The following PTGER4 variants were observed in gnomAD, a reference collection of about 807,000 sequenced individuals.
The protein encoded by PTGER4 is prostaglandin E2 receptor EP4 subtype.
PTGER4 carries 11 observed loss-of-function variants against 33.2 expected under a neutral mutation model. The ratio of observed to expected loss-of-function variants is 0.33; its 90% CI spans 0.21 to 0.55. PTGER4 has a LOEUF of 0.55. Ranked by LOEUF, PTGER4 falls within the 20% of genes least tolerant of loss-of-function variation. PTGER4 has a pLI of 0.92. For missense variants in PTGER4, 481 were observed against 650.2 expected (o/e 0.74, Z 2.83); for synonymous variants, 275 against 281.5 (o/e 0.98, Z 0.23).
the PTGER4 span, chr5:40,728,492 G>T: frequency 6.3e-7 from 1 of 1,575,382 alleles, no homozygotes; most frequent in African/African-American, 1.4e-5. Context: ...GGCAAAAAAA[G>T]ACCAAAAAAT....
chr5:40,739,514 C>T, the PTGER4 span, among the ~76,000 whole-genome samples: 9 of 152,252 alleles, frequency 5.9e-5, no homozygotes, highest in East Asian at 7.7e-4. Flanking sequence ...GTACTGTTCT[C>T]GTGATAGTGA....
downstream of PTGER4, chr5:40,693,863 GA>G (rs1422169607): frequency 2.6e-5 from 12 of 454,118 alleles, no homozygotes; most frequent in South Asian, 1.1e-3. Context: ...AATATTGCAA[GA>G]AAAGTACAAA....
At chr5:40,712,348 T>A in the PTGER4 span, among the ~76,000 whole-genome samples, 1 of 152,192 alleles carries the variant, frequency 6.6e-6, no homozygotes, top group African/African-American at 2.4e-5. Context: ...CGAAATATAA[T>A]CTGCACTAGT....
Position 40,693,631 on chromosome 5 carries a change from T to C in PTGER4, c.*1253T>C. ...TTTTGTTGCTCAGTGTTTTTGTGAA[T>C]TGCTTGGTTGTAATTAAATTCTGAG... On this transcript the variant is annotated 3_prime_UTR_variant, in exon 3 of 3. Coordinates refer to ENST00000302472, the MANE Select transcript of PTGER4 (RefSeq NM_000958.3). The C allele has an allele frequency of 1.0e-6, 1 of 985,462 alleles. No homozygotes were observed. The highest frequency in any genetic ancestry group is 1.1e-4 in the East Asian group (1 of 8,952). The allele number at this position is 985,462 out of a possible 1,614,324, so 61.0% of individuals were successfully genotyped here.
chr5:40,689,818 C>T (rs1482533499), intron 2 of PTGER4, among the ~76,000 whole-genome samples: 1 of 152,070 alleles, frequency 6.6e-6, no homozygotes, highest in Non-Finnish European at 1.5e-5. Context: ...GAGACTCAAC[C>T]TCTTCTCCCT....
At chr5:40,723,900 C>G in the PTGER4 span, among the ~76,000 whole-genome samples, 1 of 152,026 alleles carries the variant, frequency 6.6e-6, no homozygotes, top group African/African-American at 2.4e-5. Context: ...CAAGATGTGT[C>G]AGTGAGGTTA....
rs1475403342 is a variant in PTGER4, at chr5:40,681,712, G to A, written c.719G>A (p.Gly240Asp). The A allele has an allele frequency of 5.0e-6, 8 of 1,588,818 alleles. No homozygotes were observed. The highest frequency in any genetic ancestry group is 6.8e-6 in the Non-Finnish European group (8 of 1,172,034). Residue 240 changes from glycine (G) to aspartate (D), a missense_variant, in exon 2 of 3, where the codon GGC becomes GAC. Gly to Asp is a moderately conservative substitution (Grantham distance 94). This residue lies in a region of PTGER4 where 174 missense variants were observed against 210.5 expected (regional missense o/e 0.83). Transcript: ENST00000302472. This position sits in a 1 kb window ranked among gnomAD's most constrained non-coding sequence, Gnocchi z 9.8. ...GCGGCCGCCTCGGTTGCCTCCCGGGGCCACCCCGCTGCCTCCCCAGCCTTG... is the reference window on the plus strand; with the variant it reads ...GCGGCCGCCTCGGTTGCCTCCCGGGACCACCCCGCTGCCTCCCCAGCCTTG... ...AAAAASVASRGHPAASPALPR... is the reference protein window; with the variant it reads ...AAAAASVASRDHPAASPALPR...
At chr5:40,684,116 A>ACCCC (rs1438448504) in intron 2 of PTGER4, among the ~76,000 whole-genome samples, 1 of 38,318 alleles carries the variant, frequency 2.6e-5, no homozygotes, top group Non-Finnish European at 5.0e-5. Flanking sequence ...TCATTATGCC[A>ACCCC]CCCACCCACC....
At chr5:40,734,023 C>T in the PTGER4 span, among the ~76,000 whole-genome samples, 1 of 152,218 alleles carries the variant, frequency 6.6e-6, no homozygotes, top group Non-Finnish European at 1.5e-5. Context: ...CCAGCAGAGG[C>T]ATCCCTCAAT....
the PTGER4 span, among the ~76,000 whole-genome samples, chr5:40,702,295 G>A: frequency 2.6e-5 from 4 of 152,088 alleles, no homozygotes; most frequent in African/African-American, 4.8e-5. Context: ...CACACATAAT[G>A]ACACTCACAG....
At chr5:40,738,478 AC>A in the PTGER4 span, among the ~76,000 whole-genome samples, 21 of 137,682 alleles carry the variant, frequency 1.5e-4, no homozygotes, top group African/African-American at 2.2e-4. Flanking sequence ...ACAATACAAT[AC>A]AATACAATAC....
the PTGER4 span, among the ~76,000 whole-genome samples, chr5:40,726,948 A>G: frequency 2.6e-5 from 4 of 152,152 alleles, no homozygotes; most frequent in Non-Finnish European, 5.9e-5. Context: ...GTAAAAAGAG[A>G]GAAGTTGACA....
the PTGER4 span, among the ~76,000 whole-genome samples, chr5:40,745,079 G>T: frequency 8.7e-4 from 132 of 152,230 alleles, no homozygotes; most frequent in African/African-American, 3.1e-3. Context: ...AATTGGTCTG[G>T]ACTCTTCCAA....
the PTGER4 span, among the ~76,000 whole-genome samples, chr5:40,707,514 C>A: frequency 2.0e-5 from 3 of 152,132 alleles, no homozygotes; most frequent in South Asian, 6.2e-4. Context: ...AATACAGGAG[C>A]ACCCAGATTC....
the PTGER4 span, among the ~76,000 whole-genome samples, chr5:40,704,798 C>T: frequency 2.0e-5 from 3 of 152,092 alleles, no homozygotes; most frequent in African/African-American, 7.2e-5. Flanking sequence ...ATGAGAATTA[C>T]AAAACACTGC....
the PTGER4 span, among the ~76,000 whole-genome samples, chr5:40,722,777 G>A: frequency 7.3e-5 from 11 of 151,236 alleles, no homozygotes; most frequent in South Asian, 2.1e-4. Context: ...CGGAGGTGGC[G>A]GGGCAGCCCC....
At chr5:40,716,214 T>C in the PTGER4 span, 1 of 1,614,172 alleles carries the variant, frequency 6.2e-7, no homozygotes, top group South Asian at 1.1e-5. Flanking sequence ...TTACAGTCTC[T>C]ATGGCCCCAG....
At chr5:40,745,975 A>G in the PTGER4 span, among the ~76,000 whole-genome samples, 1 of 152,104 alleles carries the variant, frequency 6.6e-6, no homozygotes, top group Non-Finnish European at 1.5e-5. Flanking sequence ...GATTAGAGAT[A>G]CCATTCTATA....
At chr5:40,728,367 A>C in the PTGER4 span, 1 of 1,611,154 alleles carries the variant, frequency 6.2e-7, no homozygotes, top group South Asian at 1.1e-5. Context: ...TCCTAAACCA[A>C]GTTGAGCACG....
Sources: allele counts gnomAD v4.1 joint callset (sites outside exome capture counted in the v4.1 genomes callset), GRCh38; gene constraint gnomAD v4.1.1; regional missense constraint gnomAD v4.1.1; non-coding constraint Gnocchi (gnomAD v3.1); transcripts MANE v1.5; gene names NCBI Gene and HGNC (gene_info 2026-07-23, HGNC 2026-07-21).